The following SH3BGRL2 variants were observed in gnomAD, a reference collection of about 807,000 sequenced individuals.
SH3BGRL2 encodes SH3 domain-binding glutamic acid-rich-like protein 2.
SH3BGRL2 carries 21 observed loss-of-function variants against 14.8 expected under a neutral mutation model. The ratio of observed to expected loss-of-function variants is 1.42; its 90% confidence interval spans 1.01 to 2.05. SH3BGRL2 has a LOEUF of 2.05. Among genes scored for constraint, SH3BGRL2 ranks in the 30% most tolerant of loss-of-function variants. SH3BGRL2 has a pLI of 0.00. For synonymous variants in SH3BGRL2, 50 were observed against 47.8 expected, an observed-to-expected ratio of 1.05 and a Z score of -0.19; for missense variants, 147 against 130.8, an observed-to-expected ratio of 1.12 and a Z score of -0.61.
At chr6:79,591,048 C>T in the SH3BGRL2 span, among the ~76,000 whole-genome samples, 44 of 152,198 alleles carry the variant, frequency 2.9e-4, no homozygotes, top group East Asian at 4.8e-3. Flanking sequence ...TTAATTTATA[C>T]GAATATTAAG....
the SH3BGRL2 span, among the ~76,000 whole-genome samples, chr6:79,546,081 A>G: frequency 6.6e-6 from 1 of 152,210 alleles, no homozygotes; most frequent in Admixed American, 6.5e-5. Context: ...ACCAAGCAAC[A>G]GGGAAGGAAG....
chr6:79,637,586 G>T (rs1768950957), intron 1 of SH3BGRL2, among the ~76,000 whole-genome samples: 1 of 151,958 alleles, frequency 6.6e-6, no homozygotes, highest in Non-Finnish European at 1.5e-5. Context: ...CCAGCTACCT[G>T]GGAGGCTGAA....
chr6:79,547,153 A>G, the SH3BGRL2 span, among the ~76,000 whole-genome samples: 1 of 152,166 alleles, frequency 6.6e-6, no homozygotes, highest in South Asian at 2.1e-4. Flanking sequence ...GCTTAAAGAC[A>G]TAGTATGCCT....
At chr6:79,574,322 T>A in the SH3BGRL2 span, 1 of 152,202 alleles carries the variant, frequency 6.6e-6, no homozygotes, top group Non-Finnish European at 1.5e-5. Flanking sequence ...ATGAGGTTTG[T>A]TTGCAGATTC....
the SH3BGRL2 span, among the ~76,000 whole-genome samples, chr6:79,595,996 A>G: frequency 6.6e-6 from 1 of 152,020 alleles, no homozygotes; most frequent in East Asian, 1.9e-4. Flanking sequence ...ACAGATCAAC[A>G]TACAAAAATC....
chr6:79,588,468 A>G, the SH3BGRL2 span, among the ~76,000 whole-genome samples: 1 of 152,154 alleles, frequency 6.6e-6, no homozygotes, highest in East Asian at 1.9e-4. Flanking sequence ...CAGGAAAGGC[A>G]CTTTTATTCT....
At chr6:79,606,205 A>G in the SH3BGRL2 span, among the ~76,000 whole-genome samples, 1 of 152,106 alleles carries the variant, frequency 6.6e-6, no homozygotes, top group African/African-American at 2.4e-5. Context: ...TCCAGCAAGA[A>G]AGGACTAGTT....
intron 1 of SH3BGRL2, among the ~76,000 whole-genome samples, chr6:79,662,328 T>C (rs146125414): frequency 0.078 from 11,942 of 152,316 alleles, 611 homozygotes; most frequent in Non-Finnish European, 0.11. Flanking sequence ...GGAGCTCTTG[T>C]AAGGCGGACC....
chr6:79,562,674 G>T, the SH3BGRL2 span, among the ~76,000 whole-genome samples: 3 of 152,298 alleles, frequency 2.0e-5, no homozygotes, highest in South Asian at 6.2e-4. Flanking sequence ...AATAATAGCA[G>T]AAGGCCTTTT....
the SH3BGRL2 span, among the ~76,000 whole-genome samples, chr6:79,579,338 G>A: frequency 1.1e-4 from 17 of 152,046 alleles, no homozygotes; most frequent in Non-Finnish European, 2.5e-4. Flanking sequence ...ACTCCAAGAC[G>A]CATAATTGTC....
the SH3BGRL2 span, among the ~76,000 whole-genome samples, chr6:79,540,452 TAAATA>T: frequency 6.9e-4 from 105 of 151,730 alleles, no homozygotes; most frequent in Admixed American, 2.6e-3. Context: ...AATAAATAAA[TAAATA>T]AAATAAATAA....
the SH3BGRL2 span, among the ~76,000 whole-genome samples, chr6:79,619,811 A>G: frequency 3.9e-5 from 6 of 152,300 alleles, no homozygotes; most frequent in South Asian, 1.2e-3. Flanking sequence ...TTTCTCTTCT[A>G]TAGCAGACAT....
intron 2 of SH3BGRL2, among the ~76,000 whole-genome samples, chr6:79,683,332 G>T (rs937910941): frequency 1.3e-5 from 2 of 152,146 alleles, no homozygotes; most frequent in East Asian, 3.8e-4. Flanking sequence ...TCTAGATCAG[G>T]GATCAAGCCA....
the SH3BGRL2 span, among the ~76,000 whole-genome samples, chr6:79,617,464 T>G: frequency 1.2e-4 from 19 of 152,204 alleles, no homozygotes; most frequent in Admixed American, 5.2e-4. Flanking sequence ...AAGTTTAATA[T>G]CCTGTTCAGG....
chr6:79,566,211 G>C, the SH3BGRL2 span, among the ~76,000 whole-genome samples: 1 of 152,140 alleles, frequency 6.6e-6, no homozygotes, highest in East Asian at 1.9e-4. Context: ...GTACCTACCA[G>C]ATTCTGAATT....
At chr6:79,679,325 C>T (rs1769944510) in intron 2 of SH3BGRL2, among the ~76,000 whole-genome samples, 1 of 151,282 alleles carries the variant, frequency 6.6e-6, no homozygotes. Context: ...TGAGATGCAT[C>T]TCATTGTGGT....
At chr6:79,555,357 G>A in the SH3BGRL2 span, among the ~76,000 whole-genome samples, 1 of 152,156 alleles carries the variant, frequency 6.6e-6, no homozygotes, top group East Asian at 1.9e-4. Context: ...GGCTGAGGCA[G>A]GAAAATTGCT....
chr6:79,692,163 A>G (rs1394095066), intron 2 of SH3BGRL2, among the ~76,000 whole-genome samples: 1 of 152,174 alleles, frequency 6.6e-6, no homozygotes, highest in East Asian at 1.9e-4. Context: ...TCTTTTGAGA[A>G]GTGTCTGTTT....
In SH3BGRL2 at chr6:79,703,010, G is replaced by T. The variant is rs530792226; in HGVS notation, c.*3501G>T. 6.6e-6 allele frequency: 1 copy of T among 152,370 alleles called. No individual in the cohort carries two copies. Among genetic ancestry groups the T allele is most frequent in the South Asian group, 2.1e-4 (1 of 4,830 alleles). 9.4% of individuals were successfully genotyped at this position (152,370 alleles called of 1,614,324 possible). On this transcript the variant is annotated 3_prime_UTR_variant, in exon 4 of 4. Transcript: ENST00000369838. The stretch of plus-strand genomic sequence containing the variant: ...CCCTACGCACCAGAACAGAAGGAGG[G>T]TGGAGGAAGTGATCAGAGGGAACGA...
Sources: allele counts gnomAD v4.1 joint callset (sites outside exome capture counted in the v4.1 genomes callset), GRCh38; gene constraint gnomAD v4.1.1; transcripts MANE v1.5; gene names NCBI Gene and HGNC (gene_info 2026-07-23, HGNC 2026-07-21).